Variants in ITCH observed in about 807,000 individuals in gnomAD.
ITCH encodes the protein E3 ubiquitin-protein ligase Itchy homolog.
Under a neutral mutation model 126.8 loss-of-function variants are expected in ITCH, and 28 were observed. The observed-to-expected ratio is 0.22, with a 90% CI of 0.16 to 0.30. The LOEUF (loss-of-function observed/expected upper bound fraction) is 0.30. Among genes scored for constraint, ITCH ranks in the 10% least tolerant of loss-of-function variants. ITCH has a pLI of 1.00. For synonymous variants in ITCH, 342 were observed against 340.0 expected, an observed-to-expected ratio of 1.01 and a Z score of -0.06; for missense variants, 631 against 1,032.4, an observed-to-expected ratio of 0.61 and a Z score of 5.33.
chr20:34,467,062 T>C (rs749893465), intron 14 of ITCH, among the ~76,000 whole-genome samples: 2 of 152,130 alleles, frequency 1.3e-5, no homozygotes, highest in Non-Finnish European at 2.9e-5. Context: ...AAGAGGGACA[T>C]CACTGTATAT....
Position 34,489,812 on chromosome 20 carries a change from A to C in ITCH, c.2215-10A>C. The stretch of plus-strand genomic sequence containing the variant: ...CCTTAGGAAACAATTTGTCTTTTTC[A>C]TCCCTAAAGGTCCTTTTATGTGGAA... On this transcript the variant is annotated splice_polypyrimidine_tract_variant and intron_variant, in intron 21 of 24. Coordinates refer to ENST00000374864, the MANE Select transcript of ITCH (RefSeq NM_031483.7). 1 of 1,590,304 alleles carries C rather than the reference A, an allele frequency of 6.3e-7. No individual in the cohort carries two copies. The highest frequency in any genetic ancestry group is 8.6e-7 in the Non-Finnish European group (1 of 1,158,466).
chr20:34,396,776 A>G (rs917698208), intron 3 of ITCH, among the ~76,000 whole-genome samples: 3 of 151,986 alleles, frequency 2.0e-5, no homozygotes, highest in Non-Finnish European at 2.9e-5. Context: ...ATGTCTGTTC[A>G]CGTCCTTTGT....
intron 24 of ITCH, among the ~76,000 whole-genome samples, 154 bp downstream of exon 24, chr20:34,504,557 G>A (rs1219568116): frequency 1.3e-5 from 2 of 152,108 alleles, no homozygotes; most frequent in Admixed American, 6.5e-5. Context: ...GTTCACCCCT[G>A]TATGATTCCT....
intron 20 of ITCH, among the ~76,000 whole-genome samples, chr20:34,486,472 C>T (rs1189476384): frequency 7.3e-5 from 11 of 151,418 alleles, no homozygotes; most frequent in Non-Finnish European, 1.2e-4. Context: ...ATTATAGGCA[C>T]CCGCCACCAC....
At chr20:34,500,222 A>T (rs1010792384) in intron 23 of ITCH, among the ~76,000 whole-genome samples, 4 of 152,294 alleles carry the variant, frequency 2.6e-5, no homozygotes, top group Non-Finnish European at 1.5e-5. Context: ...TTTAAATCCA[A>T]TGTTTCTTTG....
At chr20:34,403,845 T>G (rs535276799) in intron 3 of ITCH, among the ~76,000 whole-genome samples, 1 of 152,144 alleles carries the variant, frequency 6.6e-6, no homozygotes, top group African/African-American at 2.4e-5. Flanking sequence ...GCAGCATGTT[T>G]AGAGGAATGA....
At chr20:34,389,412 A>C (rs946153784) in intron 2 of ITCH, among the ~76,000 whole-genome samples, 1 of 152,156 alleles carries the variant, frequency 6.6e-6, no homozygotes, top group Non-Finnish European at 1.5e-5. Flanking sequence ...TTAGAATTAT[A>C]AAAATTGATG....
chr20:34,463,525 G>A (rs1048252537), intron 14 of ITCH, among the ~76,000 whole-genome samples: 1 of 151,462 alleles, frequency 6.6e-6, no homozygotes, highest in Non-Finnish European at 1.5e-5. Context: ...CCACCATACT[G>A]TTTTTCAGTG....
Position 34,477,761 on chromosome 20 carries a change from T to C in ITCH, c.1570-11T>C. The stretch of plus-strand genomic sequence containing the variant: ...TTTTTTCACCAATTATTTTACTTTA[T>C]TTTTTTTTAGATAATGAGCTTCAGT... On this transcript the variant is annotated splice_polypyrimidine_tract_variant and intron_variant, in intron 16 of 24. Coordinates refer to ENST00000374864, the MANE Select transcript of ITCH (RefSeq NM_031483.7). The C allele has an allele frequency of 6.5e-7, 1 of 1,540,512 alleles. No individual in the cohort carries two copies. Among genetic ancestry groups the C allele is most frequent in the Non-Finnish European group, 8.9e-7 (1 of 1,120,004 alleles).
intron 7 of ITCH, among the ~76,000 whole-genome samples, chr20:34,436,990 G>A (rs573422080): frequency 1.8e-4 from 28 of 152,188 alleles, no homozygotes; most frequent in African/African-American, 6.5e-4. Context: ...TTAGCTGCGC[G>A]TGGTGGCAGG....
chr20:34,415,167 G>A (rs1045047723), intron 6 of ITCH, among the ~76,000 whole-genome samples: 3 of 152,158 alleles, frequency 2.0e-5, no homozygotes, highest in Non-Finnish European at 4.4e-5. Flanking sequence ...GTTTACTTAG[G>A]AACTGCATTA....
intron 5 of ITCH, 132 bp downstream of exon 5, chr20:34,412,771 T>C: frequency 1.4e-6 from 1 of 719,300 alleles, no homozygotes; most frequent in South Asian, 1.8e-5. Context: ...GATGAACAGA[T>C]AGAAGAATTT....
At chr20:34,474,930 CT>C (rs1443834870) in intron 16 of ITCH, among the ~76,000 whole-genome samples, 3 of 151,816 alleles carry the variant, frequency 2.0e-5, no homozygotes, top group African/African-American at 7.3e-5. Flanking sequence ...GGTCTCCTCA[CT>C]TCTCAGACGG....
At chr20:34,415,283 C>T (rs2146181921) in intron 6 of ITCH, among the ~76,000 whole-genome samples, 1 of 152,240 alleles carries the variant, frequency 6.6e-6, no homozygotes, top group South Asian at 2.1e-4. Context: ...ACAGGCTGGG[C>T]ACAGTGGCTC....
intron 16 of ITCH, chr20:34,475,839 A>G (rs905725243): frequency 1.3e-6 from 1 of 751,136 alleles, no homozygotes; most frequent in Admixed American, 2.1e-5. Context: ...TACAGAATCC[A>G]CTCATCCATG....
chr20:34,371,686 T>C (rs1175496925), intron 2 of ITCH, among the ~76,000 whole-genome samples: 1 of 152,238 alleles, frequency 6.6e-6, no homozygotes, highest in Non-Finnish European at 1.5e-5. Context: ...TATTAAAGTA[T>C]TTAAAATATC....
Position 34,416,137 on chromosome 20 carries a change from G to A in ITCH, c.475+2258G>A, listed in dbSNP as rs989674824. ...ACTCTGGCCAGGCGTGGTGGCTCAC[G>A]CCTGTAATCCCAGCACTCTGGGAGG... On this transcript the variant is annotated intron_variant, in intron 6 of 24. Coordinates refer to ENST00000374864, the MANE Select transcript of ITCH (RefSeq NM_031483.7). 7.9e-5 allele frequency among the ~76,000 whole-genome samples: 12 copies of A among 152,088 alleles called. No homozygotes were observed. The East Asian group carries it at 1.9e-3, about 25-fold the overall frequency.
intron 14 of ITCH, among the ~76,000 whole-genome samples, chr20:34,463,277 C>G (rs1349660824): frequency 2.0e-5 from 3 of 152,190 alleles, no homozygotes; most frequent in Non-Finnish European, 4.4e-5. Flanking sequence ...GCAGGAGAAT[C>G]GCTTGAACCC....
chr20:34,435,448 C>T (rs1336328346), intron 7 of ITCH, among the ~76,000 whole-genome samples: 2 of 152,088 alleles, frequency 1.3e-5, no homozygotes, highest in South Asian at 2.1e-4. Flanking sequence ...GGATTACAGG[C>T]GTGAGCCACT....
Sources: gnomAD v4.1 joint callset for allele counts (sites outside exome capture counted in the v4.1 genomes callset) on GRCh38, gnomAD v4.1.1 for gene constraint, MANE v1.5 for transcripts, NCBI Gene and HGNC (gene_info 2026-07-23, HGNC 2026-07-21) for gene names.